The following FXN variants were observed in gnomAD, a reference collection of about 807,000 sequenced individuals.
FXN encodes the protein frataxin, mitochondrial.
FXN carries 14 observed loss-of-function variants against 22.4 expected under a neutral mutation model. The observed-to-expected ratio is 0.62, with a 90% CI of 0.41 to 0.98. FXN has a LOEUF of 0.98. Ranked by LOEUF, FXN falls within the 50% of genes least tolerant of loss-of-function variation. The probability of loss-of-function intolerance (pLI) is 0.00; values close to 1 mark genes in which losing one functional copy is unlikely to be tolerated. For synonymous variants in FXN, 120 were observed against 114.1 expected (o/e 1.05, Z -0.33); for missense variants, 267 against 268.4 (o/e 0.99, Z 0.04).
rs1210239132 is a variant in FXN, at chr9:69,073,653, C to G, written c.*891C>G. On this transcript the variant is annotated 3_prime_UTR_variant, in exon 5 of 5. Coordinates refer to ENST00000484259, the MANE Select transcript of FXN (RefSeq NM_000144.5). ...CATAGTTCAGCCACAAAGTAGTTGT[C>G]CCTTTGTGGACAAGTTTCCCAAATT... The G allele has an allele frequency of 1.0e-6, 1 of 985,316 alleles. No individual in the cohort carries two copies. The highest frequency in any genetic ancestry group is 1.2e-6 in the Non-Finnish European group (1 of 829,926). 61.0% of individuals were successfully genotyped at this position (985,316 alleles called of 1,614,324 possible).
chr9:69,068,740 G>A (rs1021620252), intron 4 of FXN, among the ~76,000 whole-genome samples: 1 of 152,250 alleles, frequency 6.6e-6, no homozygotes, highest in African/African-American at 2.4e-5. Context: ...CCAGGGCCAA[G>A]ATGCGGCCAG....
In FXN at chr9:69,073,593, A is replaced by C. The variant is rs144650893; in HGVS notation, c.*831A>C. The C allele has an allele frequency of 7.1e-6, 7 of 985,250 alleles. No homozygotes were observed. The South Asian group carries it at 2.8e-4, about 40-fold the overall frequency. The allele number at this position is 985,250 out of a possible 1,614,324, so 61.0% of individuals were successfully genotyped here. On this transcript the variant is annotated 3_prime_UTR_variant, in exon 5 of 5. Transcript: ENST00000484259. The stretch of plus-strand genomic sequence containing the variant: ...ATGAAGGGGCAGATAAAGGAAGGAG[A>C]TACTCATGTTGATAAAGAGAGCCCT...
intron 1 of FXN, among the ~76,000 whole-genome samples, chr9:69,046,114 G>C (rs1831747430): frequency 6.6e-6 from 1 of 152,178 alleles, no homozygotes; most frequent in Non-Finnish European, 1.5e-5. Context: ...AGTTAGAAAA[G>C]CTTGCCCTGA....
chr9:69,036,557 G>A (rs1163476245), intron 1 of FXN, among the ~76,000 whole-genome samples: 2 of 152,180 alleles, frequency 1.3e-5, no homozygotes, highest in African/African-American at 2.4e-5. Context: ...TCCAGATTCT[G>A]CCCCACTCCG....
At chr9:69,039,719 C>A (rs1425057131) in intron 1 of FXN, among the ~76,000 whole-genome samples, 2 of 152,058 alleles carry the variant, frequency 1.3e-5, no homozygotes, top group African/African-American at 2.4e-5. Flanking sequence ...CTCTTAAATA[C>A]CGGAGACAGC....
chr9:69,061,104 C>A (rs1252739073), intron 3 of FXN, among the ~76,000 whole-genome samples: 1 of 152,184 alleles, frequency 6.6e-6, no homozygotes, highest in Non-Finnish European at 1.5e-5. Context: ...GAAGGGCTCT[C>A]ACATTTGCTT....
Position 69,073,667 on chromosome 9 carries a change from GT to G in FXN, c.*908del. ...AAAGTAGTTGTCCCTTTGTGGACAA[GT>G]TTCCCAAATTCCCTGGACCTCTGCT... On this transcript the variant is annotated 3_prime_UTR_variant, in exon 5 of 5. Transcript: ENST00000484259. 2 of 985,390 alleles carry G rather than the reference GT, an allele frequency of 2.0e-6. No individual in the cohort carries two copies. Among genetic ancestry groups the G allele is most frequent in the Non-Finnish European group, 2.4e-6 (2 of 829,940 alleles). The allele number at this position is 985,390 out of a possible 1,614,324, so 61.0% of individuals were successfully genotyped here.
intron 1 of FXN, among the ~76,000 whole-genome samples, chr9:69,037,970 T>G (rs1215001144): frequency 6.6e-6 from 1 of 152,100 alleles, no homozygotes; most frequent in South Asian, 2.1e-4. Context: ...AGTTTTTAAT[T>G]TAGGAGAATG....
At position 69,078,566 on chromosome 9, in the gene FXN, T is replaced by G; in HGVS notation, c.*5804T>G. On this transcript the variant is annotated 3_prime_UTR_variant, in exon 5 of 5. Coordinates refer to ENST00000484259, the MANE Select transcript of FXN (RefSeq NM_000144.5). ...AAGTTTCTTAGCCTGAAAAATGTGCTTTTCTGACTGAACTGTTCAGGCACT... is the reference window on the plus strand; with the variant it reads ...AAGTTTCTTAGCCTGAAAAATGTGCGTTTCTGACTGAACTGTTCAGGCACT... 1.0e-6 allele frequency: 1 copy of G among 985,622 alleles called. No homozygotes were observed. The allele number at this position is 985,622 out of a possible 1,614,324, so 61.1% of individuals were successfully genotyped here.
intron 1 of FXN, among the ~76,000 whole-genome samples, chr9:69,037,484 TAAAAA>T (rs1005620232): frequency 6.6e-5 from 10 of 151,586 alleles, no homozygotes; most frequent in Admixed American, 4.6e-4. Context: ...TAATAATAAA[TAAAAA>T]TAAAAAATAA....
At position 69,076,721 on chromosome 9, in the gene FXN, G is replaced by C. The variant is rs1189497658; in HGVS notation, c.*3959G>C. On this transcript the variant is annotated 3_prime_UTR_variant, in exon 5 of 5. Coordinates refer to ENST00000484259, the MANE Select transcript of FXN (RefSeq NM_000144.5). ...GGAAAAATCGCTTTACGCTTCCAAG[G>C]TACACACTAAGATGAAAGTAATTTT... The C allele has an allele frequency of 4.2e-5, 41 of 985,262 alleles. No individual in the cohort carries two copies. Among genetic ancestry groups the C allele is most frequent in the Non-Finnish European group, 4.7e-5 (39 of 829,948 alleles). The allele number at this position is 985,262 out of a possible 1,614,324, so 61.0% of individuals were successfully genotyped here.
At position 69,048,288 on chromosome 9, in the gene FXN, G is replaced by A. The variant is rs140777702; in HGVS notation, c.263+1806G>A. 6.8e-3 allele frequency among the ~76,000 whole-genome samples: 1,035 copies of A among 152,244 alleles called. 12 individuals carry two copies. Among genetic ancestry groups the A allele is most frequent in the South Asian group, 0.016 (78 of 4,816 alleles). Reference sequence around the variant, plus strand: ...ACTGAGTCCCTTGTTTTGGCTCAATGGGAAGTCTTTGCTGTTCAAAGCCTT... The same window carrying A: ...ACTGAGTCCCTTGTTTTGGCTCAATAGGAAGTCTTTGCTGTTCAAAGCCTT... On this transcript the variant is annotated intron_variant, in intron 2 of 4. Coordinates refer to ENST00000484259, the MANE Select transcript of FXN (RefSeq NM_000144.5).
intron 2 of FXN, among the ~76,000 whole-genome samples, chr9:69,047,390 G>A (rs930576524): frequency 2.0e-5 from 3 of 151,608 alleles, no homozygotes; most frequent in Non-Finnish European, 4.4e-5. Flanking sequence ...CGATGGAGAG[G>A]GGCAGGATAA....
At chr9:69,050,383 C>T (rs1564332360) in intron 2 of FXN, among the ~76,000 whole-genome samples, 1 of 152,152 alleles carries the variant, frequency 6.6e-6, no homozygotes, top group Non-Finnish European at 1.5e-5. Flanking sequence ...AACCTGGGTA[C>T]ACATTTCTGT....
chr9:69,042,703 C>A (rs1294699009), intron 1 of FXN, among the ~76,000 whole-genome samples: 2 of 152,106 alleles, frequency 1.3e-5, no homozygotes, highest in Admixed American at 6.6e-5. Flanking sequence ...CACACACACA[C>A]ACAAACAAAA....
At position 69,035,847 on chromosome 9, in the gene FXN, A is replaced by T; in HGVS notation, c.65A>T (p.Gln22Leu). Residue 22 changes from glutamine to leucine, a missense_variant, in exon 1 of 5, where the codon CAG becomes CTG. Physicochemically the swap from Gln to Leu is moderately radical, Grantham distance 113. Transcript: ENST00000484259. The stretch of plus-strand genomic sequence containing the variant: ...GCGTCACCCAGCCCAGCCCAGGCCC[A>T]GACCCTCACCCGGGTCCCGCGGCCG... ...LLASPSPAQA[Q>L]TLTRVPRPAE... is the part of the protein sequence containing the mutation. The T allele has an allele frequency of 6.6e-7, 1 of 1,505,664 alleles. No homozygotes were observed. The highest frequency in any genetic ancestry group is 8.8e-7 in the Non-Finnish European group (1 of 1,134,116). The allele number at this position is 1,505,664 out of a possible 1,614,324, so 93.3% of individuals were successfully genotyped here.
Position 69,077,459 on chromosome 9 carries a change from G to C in FXN, c.*4697G>C, listed in dbSNP as rs528372208. 1 of 985,384 alleles carries C rather than the reference G, an allele frequency of 1.0e-6. No individual in the cohort carries two copies. Among genetic ancestry groups the C allele is most frequent in the Admixed American group, 6.1e-5 (1 of 16,280 alleles). 61.0% of individuals were successfully genotyped at this position (985,384 alleles called of 1,614,324 possible). ...GCTGAAGATTTATTTAGACAGTTGA[G>C]GAAAACATCAGCACCCAGCAGTAAA... On this transcript the variant is annotated 3_prime_UTR_variant, in exon 5 of 5. Transcript: ENST00000484259.
At chr9:69,067,780 C>A (rs1167868762) in intron 4 of FXN, among the ~76,000 whole-genome samples, 2 of 152,194 alleles carry the variant, frequency 1.3e-5, no homozygotes, top group Admixed American at 6.5e-5. Context: ...ATGCTCCATT[C>A]ACCACTCCTC....
intron 3 of FXN, among the ~76,000 whole-genome samples, chr9:69,054,009 G>T (rs1437527722): frequency 6.6e-6 from 1 of 152,050 alleles, no homozygotes; most frequent in Non-Finnish European, 1.5e-5. Context: ...GCTAGTATGA[G>T]AACTTGTTTT....
Sources: allele counts gnomAD v4.1 joint callset (sites outside exome capture counted in the v4.1 genomes callset), GRCh38; gene constraint gnomAD v4.1.1; transcripts MANE v1.5; gene names NCBI Gene and HGNC (gene_info 2026-07-23, HGNC 2026-07-21).